BLM: variants seen among roughly 807,000 people sequenced by gnomAD.
BLM encodes the protein BLM RecQ like helicase.
Under a neutral mutation model 135.3 loss-of-function variants are expected in BLM, and 95 were observed. That is an observed-to-expected ratio of 0.70 (90% confidence interval 0.59 to 0.83). BLM has a LOEUF of 0.83. Among genes scored for constraint, BLM ranks in the 40% least tolerant of loss-of-function variants. BLM has a pLI of 0.00. For missense variants in BLM, 1,518 were observed against 1,663.9 expected, an observed-to-expected ratio of 0.91 and a Z score of 1.53; for synonymous variants, 520 against 589.2, an observed-to-expected ratio of 0.88 and a Z score of 1.70.
At chr15:90,727,753 T>A (rs1238963255) in intron 1 of BLM, among the ~76,000 whole-genome samples, 1 of 150,818 alleles carries the variant, frequency 6.6e-6, no homozygotes, top group South Asian at 2.1e-4. Flanking sequence ...ACCTGATGTG[T>A]TTTTTTTTCC....
intron 1 of BLM, among the ~76,000 whole-genome samples, chr15:90,740,891 T>C (rs913901843): frequency 9.9e-5 from 15 of 152,224 alleles, no homozygotes; most frequent in Non-Finnish European, 1.6e-4. Context: ...TCCCCAGCCA[T>C]GTGGAACTGA....
intron 8 of BLM, among the ~76,000 whole-genome samples, chr15:90,765,002 G>A (rs1217518432): frequency 6.6e-6 from 1 of 152,132 alleles, no homozygotes; most frequent in Non-Finnish European, 1.5e-5. Flanking sequence ...CTGGGAGGTG[G>A]AGATTGTAGT....
Position 90,766,791 on chromosome 15 carries a change from T to A in BLM, c.2194-119T>A, listed in dbSNP as rs531319744. The A allele has an allele frequency of 7.4e-6, 5 of 677,062 alleles. No homozygotes were observed. In the East Asian group the frequency reaches 1.1e-4, roughly 15 times the overall value. 41.9% of individuals were successfully genotyped at this position (677,062 alleles called of 1,614,324 possible). On this transcript the variant is annotated intron_variant, in intron 9 of 21. Transcript: ENST00000355112. ...CTTACATACTTGTTATGTTGAGATA[T>A]GTATTTCCTTTGATAGGTTTGATAT... is the stretch of plus-strand genomic sequence containing the variant.
chr15:90,812,795 T>A (rs890756781), intron 21 of BLM, among the ~76,000 whole-genome samples: 1 of 152,204 alleles, frequency 6.6e-6, no homozygotes. Flanking sequence ...GTTAAGTCCA[T>A]AAACAAAATC....
At chr15:90,767,597 G>A (rs1380728507) in intron 10 of BLM, among the ~76,000 whole-genome samples, 1 of 152,164 alleles carries the variant, frequency 6.6e-6, no homozygotes, top group Non-Finnish European at 1.5e-5. Flanking sequence ...GAATATCACA[G>A]AAACAGTGAT....
chr15:90,741,421 G>A (rs997390213), intron 1 of BLM, among the ~76,000 whole-genome samples: 1 of 152,152 alleles, frequency 6.6e-6, no homozygotes, highest in Non-Finnish European at 1.5e-5. Flanking sequence ...GAAGGTTAGT[G>A]TCTTTAATTA....
chr15:90,765,177 G>C, intron 8 of BLM, 119 bp from the exon 9 acceptor site: 2 of 813,134 alleles, frequency 2.5e-6, no homozygotes. Flanking sequence ...ATGGCAAATT[G>C]TTGGCACCAG....
intron 6 of BLM, 115 bp from the exon 7 acceptor site, chr15:90,760,479 A>T: frequency 2.3e-6 from 3 of 1,323,594 alleles, no homozygotes; most frequent in Non-Finnish European, 2.1e-6. Flanking sequence ...ATTGGGAAAA[A>T]AGCGAATATA....
intron 12 of BLM, among the ~76,000 whole-genome samples, chr15:90,782,117 G>T (rs1389311579): frequency 6.6e-6 from 1 of 152,210 alleles, no homozygotes; most frequent in Non-Finnish European, 1.5e-5. Flanking sequence ...GCTGGGCCCG[G>T]TGGCTCATGC....
chr15:90,811,713 A>G (rs983793407), intron 21 of BLM, among the ~76,000 whole-genome samples: 16 of 152,200 alleles, frequency 1.1e-4, no homozygotes, highest in Non-Finnish European at 2.2e-4. Flanking sequence ...GCTAGAGTGC[A>G]GTGGCACAAT....
chr15:90,750,455 A>G (rs534378526), intron 3 of BLM, among the ~76,000 whole-genome samples: 1 of 152,224 alleles, frequency 6.6e-6, no homozygotes, highest in East Asian at 1.9e-4. Context: ...CGCGACAGTC[A>G]ATCTGATAAC....
rs1158977476 is a variant in BLM at position 90,803,636 on chromosome 15, C to T, written c.3474C>T (p.Asp1158=). Residue 1158 remains aspartate (D), a synonymous_variant, in exon 18 of 22, where the codon GAC becomes GAT. Coordinates refer to ENST00000355112, the MANE Select transcript of BLM (RefSeq NM_000057.4). ...KLILDKILDE[D]LYINANDQAI... ...TACTTGACAAGATTTTGGATGAAGACTTATATATCAATGCCAATGACCAGG... is the reference window on the plus strand; with the variant it reads ...TACTTGACAAGATTTTGGATGAAGATTTATATATCAATGCCAATGACCAGG... 2.5e-6 allele frequency: 4 copies of T among 1,613,968 alleles called. No homozygotes were observed. Among genetic ancestry groups the T allele is most frequent in the East Asian group, 2.2e-5 (1 of 44,876 alleles).
Position 90,722,170 on chromosome 15 carries a change from C to T in BLM, c.-5+4730C>T, listed in dbSNP as rs1307326025. 4.0e-5 allele frequency among the ~76,000 whole-genome samples: 6 copies of T among 151,718 alleles called. 1 individual carries two copies. In the East Asian group the frequency reaches 8.0e-4, roughly 20 times the overall value. Reference sequence around the variant, plus strand: ...TCTCTCCCAGTCTGGAGTGCAGTGGCGCAATCTTGGCTCACTGAAAGCTCC... The same window carrying T: ...TCTCTCCCAGTCTGGAGTGCAGTGGTGCAATCTTGGCTCACTGAAAGCTCC... On this transcript the variant is annotated intron_variant, in intron 1 of 21. Coordinates refer to ENST00000355112, the MANE Select transcript of BLM (RefSeq NM_000057.4).
chr15:90,748,874 C>T (rs1381062441), intron 2 of BLM, among the ~76,000 whole-genome samples: 1 of 151,894 alleles, frequency 6.6e-6, no homozygotes, highest in Non-Finnish European at 1.5e-5. Context: ...TCTCCTGCCT[C>T]AGCCTTCTGA....
intron 8 of BLM, 125 bp downstream of exon 8, chr15:90,763,282 G>A (rs1012625667): frequency 1.0e-6 from 1 of 962,034 alleles, no homozygotes; most frequent in African/African-American, 1.6e-5. Flanking sequence ...TAAACCTCCT[G>A]TACCATAGTG....
chr15:90,790,517 A>C, intron 14 of BLM, 132 bp from the exon 15 acceptor site: 1 of 826,844 alleles, frequency 1.2e-6, no homozygotes, highest in Admixed American at 2.2e-5. Flanking sequence ...GGACCAAGTT[A>C]AGATATTAGG....
rs2151163786 is a variant in BLM at position 90,766,922 on chromosome 15, T to C, written c.2206T>C (p.Tyr736His). The change falls in exon 10 of 22, where the codon TAT becomes CAT. Residue 736 changes from tyrosine to histidine, a missense_variant. By Grantham distance (83) the Tyr-to-His change is moderately conservative. This residue lies in a region of BLM where 626 missense variants were observed against 681.1 expected (regional missense o/e 0.92). Transcript: ENST00000355112. ...CTTTTATACTTAGATTCCAGCTACA[T>C]ATCTGACAGGTGATAAGACTGACTC... Reference protein sequence around the residue: ...KLTSLDIPATYLTGDKTDSEA... With the variant: ...KLTSLDIPATHLTGDKTDSEA... The C allele has an allele frequency of 6.3e-7, 1 of 1,590,278 alleles. No homozygotes were observed. Among genetic ancestry groups the C allele is most frequent in the Non-Finnish European group, 8.6e-7 (1 of 1,159,458 alleles).
At chr15:90,734,805 T>G (rs74868990) in intron 1 of BLM, among the ~76,000 whole-genome samples, 9,743 of 151,640 alleles carry the variant, frequency 0.064, 1,016 homozygotes, top group African/African-American at 0.22. Flanking sequence ...TTGAGAAAAA[T>G]ATAGAGATAC....
chr15:90,809,958 A>G (rs1897370259), intron 20 of BLM, among the ~76,000 whole-genome samples: 1 of 152,160 alleles, frequency 6.6e-6, no homozygotes, highest in African/African-American at 2.4e-5. Flanking sequence ...GACACAACAG[A>G]CAGGCCCGGT....
Sources: gnomAD v4.1 joint callset for allele counts (sites outside exome capture counted in the v4.1 genomes callset) on GRCh38, gnomAD v4.1.1 for gene constraint, gnomAD v4.1.1 regional missense constraint, MANE v1.5 for transcripts, NCBI Gene and HGNC (gene_info 2026-07-23, HGNC 2026-07-21) for gene names.